TMEM266: variants seen among roughly 807,000 people sequenced by gnomAD.
TMEM266 encodes the protein Hv1 related protein 1.
In TMEM266, 33 loss-of-function variants were observed where a neutral mutation model predicts 50.5. That is an observed-to-expected ratio of 0.65 (90% CI 0.50 to 0.87). TMEM266 has a LOEUF of 0.87. Ranked by LOEUF, TMEM266 falls within the 40% of genes least tolerant of loss-of-function variation. The pLI is 0.00. For synonymous variants in TMEM266, 310 were observed against 292.3 expected (o/e 1.06, Z -0.62); for missense variants, 655 against 695.1 (o/e 0.94, Z 0.65).
At chr15:76,189,951 C>T (rs1039345521) in intron 8 of TMEM266, among the ~76,000 whole-genome samples, 19 of 152,210 alleles carry the variant, frequency 1.2e-4, no homozygotes, top group African/African-American at 4.3e-4. Flanking sequence ...TCCCAGAGAC[C>T]GAACCTATAG....
chr15:76,073,101 T>C (rs1436563583), intron 1 of TMEM266, among the ~76,000 whole-genome samples: 1 of 151,344 alleles, frequency 6.6e-6, no homozygotes, highest in Non-Finnish European at 1.5e-5. Context: ...CCAGCTAATT[T>C]TGTATTTTTA....
intron 4 of TMEM266, among the ~76,000 whole-genome samples, chr15:76,158,999 A>G (rs958664042): frequency 6.7e-6 from 1 of 149,988 alleles, no homozygotes; most frequent in Admixed American, 6.6e-5. Context: ...TGCTGAAGGC[A>G]CTGGGCACTT....
rs747055570 is a variant in TMEM266, at chr15:76,203,970, G to A, written c.1251G>A (p.Glu417=). 5 of 1,611,050 alleles carry A rather than the reference G, an allele frequency of 3.1e-6. No homozygotes were observed. Among genetic ancestry groups the A allele is most frequent in the South Asian group, 1.1e-5 (1 of 91,016 alleles). The change falls in exon 11 of 11, where the codon GAG becomes GAA. Residue 417 remains glutamate (E), a synonymous_variant. Coordinates refer to ENST00000388942, the MANE Select transcript of TMEM266 (RefSeq NM_152335.3). ...TGGACTGCAGCACTGCCCGCGAGGA[G>A]CCGTCCTCTGAGCCCGGCCCTTCTC...
chr15:76,136,774 G>A (rs1241329452), intron 2 of TMEM266, among the ~76,000 whole-genome samples: 2 of 152,182 alleles, frequency 1.3e-5, no homozygotes, highest in Non-Finnish European at 2.9e-5. Context: ...CTCTGGACAG[G>A]GTTGCTGTGG....
Position 76,161,584 on chromosome 15 carries a change from C to G in TMEM266, c.456+1416C>G, listed in dbSNP as rs574940927. Among the ~76,000 whole-genome samples the G allele has an allele frequency of 6.6e-6, 1 of 152,170 alleles. No homozygotes were observed. The highest frequency in any genetic ancestry group is 1.5e-5 in the Non-Finnish European group (1 of 68,016). On this transcript the variant is annotated intron_variant, in intron 5 of 10. Coordinates refer to ENST00000388942, the MANE Select transcript of TMEM266 (RefSeq NM_152335.3). The surrounding 1 kb of genome is among the most constrained non-coding windows in gnomAD (Gnocchi z 4.1). Reference sequence around the variant, plus strand: ...GGCAGCAGGCATTCCAAGCATGGAACATTCCCTTTCCTGGGCCTCGCCTCC... The same window carrying G: ...GGCAGCAGGCATTCCAAGCATGGAAGATTCCCTTTCCTGGGCCTCGCCTCC...
intron 8 of TMEM266, among the ~76,000 whole-genome samples, chr15:76,185,526 C>A (rs1457317759): frequency 1.3e-5 from 2 of 152,208 alleles, no homozygotes; most frequent in Non-Finnish European, 2.9e-5. Flanking sequence ...TTTTGTCTGT[C>A]TTTCTCCCCT....
rs764391009 is a variant in TMEM266, at chr15:76,204,020, A to G, written c.1301A>G (p.Gln434Arg). 1.9e-6 allele frequency: 3 copies of G among 1,609,278 alleles called. No homozygotes were observed. Among genetic ancestry groups the G allele is most frequent in the East Asian group, 2.2e-5 (1 of 44,718 alleles). The change falls in exon 11 of 11, where the codon CAG becomes CGG. Residue 434 changes from glutamine (Q) to arginine (R), a missense_variant. Gln to Arg is a conservative substitution (Grantham distance 43). Transcript: ENST00000388942. Reference sequence around the variant, plus strand: ...CCCCCGCCGCTGCCATCCCAGCAGCAGGTGGAGGAGGCCACAGTCCAGGAC... The same window carrying G: ...CCCCCGCCGCTGCCATCCCAGCAGCGGGTGGAGGAGGCCACAGTCCAGGAC...
At chr15:76,172,674 C>G (rs1019780090) in intron 7 of TMEM266, among the ~76,000 whole-genome samples, 3 of 152,210 alleles carry the variant, frequency 2.0e-5, no homozygotes, top group African/African-American at 7.2e-5. Flanking sequence ...TGGGAGATCA[C>G]CTGGTTCACT....
intron 1 of TMEM266, among the ~76,000 whole-genome samples, chr15:76,127,950 A>G (rs2037449638): frequency 6.6e-6 from 1 of 152,156 alleles, no homozygotes; most frequent in African/African-American, 2.4e-5. Context: ...CGGAGCCAGC[A>G]AGCTGGGTTT....
At chr15:76,115,102 C>T (rs756149025) in intron 1 of TMEM266, among the ~76,000 whole-genome samples, 7 of 152,188 alleles carry the variant, frequency 4.6e-5, no homozygotes, top group Non-Finnish European at 1.0e-4. Flanking sequence ...GAGACCCCAC[C>T]TCTATTTTTT....
At chr15:76,109,781 C>G (rs1293983692) in intron 1 of TMEM266, among the ~76,000 whole-genome samples, 1 of 148,136 alleles carries the variant, frequency 6.8e-6, no homozygotes, top group African/African-American at 2.5e-5. Context: ...GTGATCATGA[C>G]TCACTGCAGC....
intron 8 of TMEM266, among the ~76,000 whole-genome samples, chr15:76,185,935 G>A (rs1373042207): frequency 6.6e-6 from 1 of 152,164 alleles, no homozygotes; most frequent in Non-Finnish European, 1.5e-5. Flanking sequence ...CAAGGCCCGG[G>A]GAAGAAAAGA....
At chr15:76,201,349 T>C (rs1307043632) in intron 9 of TMEM266, among the ~76,000 whole-genome samples, 1 of 151,962 alleles carries the variant, frequency 6.6e-6, no homozygotes, top group African/African-American at 2.4e-5. Flanking sequence ...ATCTCAACTC[T>C]CCTCCCATTC....
chr15:76,136,852 C>T (rs539702607), intron 2 of TMEM266, among the ~76,000 whole-genome samples: 15 of 152,296 alleles, frequency 9.8e-5, no homozygotes, highest in African/African-American at 3.1e-4. Flanking sequence ...CCCAGCCCTA[C>T]TTAAATGTCA....
In TMEM266 at chr15:76,149,524, A is replaced by G. The variant is rs557571241; in HGVS notation, c.228-7080A>G. ...TATCTAAATCATCACCATAGATCAT[A>G]GGATAAACACTGTGTTATGGGCTTG... is the stretch of plus-strand genomic sequence containing the variant. On this transcript the variant is annotated intron_variant, in intron 3 of 10. Transcript: ENST00000388942. 7.4e-4 allele frequency among the ~76,000 whole-genome samples: 113 copies of G among 152,368 alleles called. 1 individual carries two copies. The highest frequency in any genetic ancestry group is 2.6e-3 in the African/African-American group (110 of 41,590).
At chr15:76,103,500 C>T (rs1218704025) in intron 1 of TMEM266, among the ~76,000 whole-genome samples, 2 of 151,958 alleles carry the variant, frequency 1.3e-5, no homozygotes, top group African/African-American at 4.8e-5. Flanking sequence ...CTGGAAGGGT[C>T]GAGTTATTGT....
At chr15:76,125,720 T>C (rs1219270033) in intron 1 of TMEM266, among the ~76,000 whole-genome samples, 1 of 151,658 alleles carries the variant, frequency 6.6e-6, no homozygotes, top group Non-Finnish European at 1.5e-5. Context: ...TGGTGGCACA[T>C]GCCTGTAATC....
intron 1 of TMEM266, among the ~76,000 whole-genome samples, chr15:76,098,592 G>A (rs2036954950): frequency 6.6e-6 from 1 of 152,110 alleles, no homozygotes; most frequent in Non-Finnish European, 1.5e-5. Context: ...CTGACCCTTA[G>A]CAGAGCTTGA....
intron 1 of TMEM266, among the ~76,000 whole-genome samples, chr15:76,087,547 G>T (rs936102434): frequency 6.6e-6 from 1 of 152,082 alleles, no homozygotes; most frequent in South Asian, 2.1e-4. Context: ...AACAGCTATG[G>T]GTCTGAGACT....
Sources: allele counts gnomAD v4.1 joint callset (sites outside exome capture counted in the v4.1 genomes callset), GRCh38; gene constraint gnomAD v4.1.1; non-coding constraint Gnocchi (gnomAD v3.1); transcripts MANE v1.5; gene names NCBI Gene and HGNC (gene_info 2026-07-23, HGNC 2026-07-21).